The following IRX2 variants were observed in gnomAD, a reference collection of about 807,000 sequenced individuals.
IRX2 encodes iroquois-class homeodomain protein IRX-2.
In IRX2, 26 loss-of-function variants were observed where a neutral mutation model predicts 42.9. The observed-to-expected ratio is 0.61, with a 90% CI of 0.44 to 0.84. IRX2 has a LOEUF of 0.84. IRX2 is among the 40% of genes least tolerant of loss of function. The pLI, the probability that IRX2 is intolerant of heterozygous loss-of-function variation, is 0.00. For missense variants in IRX2, 782 were observed against 713.9 expected (o/e 1.10, Z -1.09); for synonymous variants, 424 against 353.9 (o/e 1.20, Z -2.22).
the IRX2 span, among the ~76,000 whole-genome samples, chr5:2,736,336 C>A: frequency 6.6e-6 from 1 of 152,148 alleles, no homozygotes; most frequent in Non-Finnish European, 1.5e-5. Flanking sequence ...CCTTCTGATG[C>A]GATTTCTGAG....
chr5:2,742,956 C>T (rs1375440297), downstream of IRX2, among the ~76,000 whole-genome samples: 1 of 152,254 alleles, frequency 6.6e-6, no homozygotes. Flanking sequence ...TCCGAAAACG[C>T]GCACGGGCTT....
chr5:2,740,382 C>A, the IRX2 span, among the ~76,000 whole-genome samples: 2 of 151,882 alleles, frequency 1.3e-5, no homozygotes, highest in Admixed American at 6.6e-5. Context: ...CCCTGACCTG[C>A]GACTGTTCGG....
chr5:2,748,782 T>C lies in IRX2; in HGVS notation c.926A>G (p.Lys309Arg). 1 of 1,408,836 alleles carries C rather than the reference T, an allele frequency of 7.1e-7. No homozygotes were observed. Among genetic ancestry groups the C allele is most frequent in the Non-Finnish European group, 9.1e-7 (1 of 1,094,734 alleles). 87.3% of individuals were successfully genotyped at this position (1,408,836 alleles called of 1,614,324 possible). A position where few individuals can be genotyped will look rare whatever the true frequency, so the allele number is the denominator to read the frequency against. The change falls in exon 3 of 4, where the codon AAG (lysine) becomes AGG (arginine). Residue 309 changes from lysine to arginine, a missense_variant. Transcript: ENST00000302057. Reference protein sequence around the residue: ...PPEAAPRGGRKTPQGSRTSPG... With the variant: ...PPEAAPRGGRRTPQGSRTSPG... ...AGACGTCCGGCTGCCCTGGGGCGTC[T>C]TGCGGCCACCGCGGGGCGCGGCCTC...
At position 2,748,814 on chromosome 5, in the gene IRX2, G is replaced by A. The variant is rs1237850242; in HGVS notation, c.894C>T (p.Pro298=). ...CACCGCGGGGCGCGGCCTCGGGCGG[G>A]GGGCTCAGCAGCGGCGCCTCCAAGC... ...LTGLEAPLLS[P]PPEAAPRGGR... Residue 298 remains proline, a synonymous_variant, in exon 3 of 4, where the codon CCC becomes CCT. Coordinates refer to ENST00000302057, the MANE Select transcript of IRX2 (RefSeq NM_033267.5). 2.0e-6 allele frequency: 3 copies of A among 1,486,252 alleles called. No individual in the cohort carries two copies. The highest frequency in any genetic ancestry group is 1.3e-5 in the South Asian group (1 of 77,696). 92.1% of individuals were successfully genotyped at this position (1,486,252 alleles called of 1,614,324 possible). A position where few individuals can be genotyped will look rare whatever the true frequency, so the allele number is the denominator to read the frequency against.
downstream of IRX2, among the ~76,000 whole-genome samples, chr5:2,744,333 A>G (rs1222473621): frequency 6.6e-6 from 1 of 152,110 alleles, no homozygotes; most frequent in African/African-American, 2.4e-5. Flanking sequence ...AAATATTGTT[A>G]ACTTTCATAC....
chr5:2,738,435 T>A, the IRX2 span, among the ~76,000 whole-genome samples: 3 of 152,356 alleles, frequency 2.0e-5, 1 homozygote, highest in South Asian at 6.2e-4. Context: ...GGACGGGCCA[T>A]GGCCTCCTAT....
chr5:2,749,725 G>A lies in IRX2; in HGVS notation c.312C>T (p.Gly104=), dbSNP rs779734556. The change falls in exon 2 of 4, where the codon GGC becomes GGT. Residue 104 remains glycine, a synonymous_variant. Coordinates refer to ENST00000302057, the MANE Select transcript of IRX2 (RefSeq NM_033267.5). The stretch of plus-strand genomic sequence containing the variant: ...TGAGCTGGTACGGGTAGGCCGCGCT[G>A]CCGTACGGGTGGTAGCTGATGGCGC... ...MTGAISYHPY[G]SAAYPYQLND... The A allele has an allele frequency of 7.4e-6, 12 of 1,613,678 alleles. No homozygotes were observed. The highest frequency in any genetic ancestry group is 9.3e-6 in the Non-Finnish European group (11 of 1,179,938).
At position 2,749,758 on chromosome 5, in the gene IRX2, G is replaced by A. The variant is rs760981161; in HGVS notation, c.279C>T (p.Gly93=). Residue 93 remains glycine, a synonymous_variant, in exon 2 of 4, where the codon GGC becomes GGT. Coordinates refer to ENST00000302057, the MANE Select transcript of IRX2 (RefSeq NM_033267.5). The part of the protein sequence containing the change: ...MGAPYDAHTT[G]MTGAISYHPY... ...GGTGGTAGCTGATGGCGCCGGTCAT[G>A]CCGGTGGTGTGCGCGTCGTAGGGTG... The A allele has an allele frequency of 1.2e-6, 2 of 1,611,082 alleles. No individual in the cohort carries two copies. The highest frequency in any genetic ancestry group is 1.3e-5 in the African/African-American group (1 of 75,014).
chr5:2,741,429 G>A (rs927600471), downstream of IRX2, among the ~76,000 whole-genome samples: 1 of 152,162 alleles, frequency 6.6e-6, no homozygotes, highest in Non-Finnish European at 1.5e-5. Context: ...GGCAAGGAGG[G>A]AATTTCTGAG....
Position 2,748,940 on chromosome 5 carries a change from G to A in IRX2, c.768C>T (p.Cys256=), listed in dbSNP as rs773469049. The A allele has an allele frequency of 1.9e-6, 3 of 1,597,100 alleles. No individual in the cohort carries two copies. The highest frequency in any genetic ancestry group is 1.3e-5 in the African/African-American group (1 of 74,928). ...CCTCCAGGTCGTCATACTTGTCCTT[G>A]CACTCCGAGCCCGATTCGCACAGGG... The part of the protein sequence containing the change: ...GDPLCESGSE[C]KDKYDDLEDD... The change falls in exon 3 of 4, where the codon TGC becomes TGT. Residue 256 remains cysteine, a synonymous_variant. Coordinates refer to ENST00000302057, the MANE Select transcript of IRX2 (RefSeq NM_033267.5).
rs1432832530 is a variant in IRX2, at chr5:2,751,261, C to G, written c.153G>C (p.Ser51=). The change falls in exon 1 of 4, where the codon TCG becomes TCC. Residue 51 remains serine, a synonymous_variant. Coordinates refer to ENST00000302057, the MANE Select transcript of IRX2 (RefSeq NM_033267.5). The surrounding 1 kb of genome is among the most constrained non-coding windows in gnomAD (Gnocchi z 4.0). ...SGSAFSPYPG[S]AAFTAQAATG... ...TGGCCGCCTGCGCCGTGAAGGCCGCCGAGCCCGGGTAGGGGCTGAACGCCG... is the reference window on the plus strand; with the variant it reads ...TGGCCGCCTGCGCCGTGAAGGCCGCGGAGCCCGGGTAGGGGCTGAACGCCG... 7 of 1,409,484 alleles carry G rather than the reference C, an allele frequency of 5.0e-6. No individual in the cohort carries two copies. The highest frequency in any genetic ancestry group is 2.7e-5 in the Admixed American group (1 of 37,264). The allele number at this position is 1,409,484 out of a possible 1,614,324, so 87.3% of individuals were successfully genotyped here. A position where few individuals can be genotyped will look rare whatever the true frequency, so the allele number is the denominator to read the frequency against.
In IRX2 at chr5:2,747,678, C is replaced by T; in HGVS notation, c.1364-62G>A. On this transcript the variant is annotated intron_variant, in intron 3 of 3. Coordinates refer to ENST00000302057, the MANE Select transcript of IRX2 (RefSeq NM_033267.5). The stretch of plus-strand genomic sequence containing the variant: ...CACAGCCTGCTGGCTGCGCAGACCA[C>T]CGTGCACCCACCATCCTCCACTCCC... 7 of 1,522,192 alleles carry T rather than the reference C, an allele frequency of 4.6e-6. No individual in the cohort carries two copies. In the South Asian group the frequency reaches 7.9e-5, roughly 17 times the overall value. The allele number at this position is 1,522,192 out of a possible 1,614,324, so 94.3% of individuals were successfully genotyped here.
downstream of IRX2, among the ~76,000 whole-genome samples, chr5:2,743,651 C>T (rs1409202746): frequency 6.6e-6 from 1 of 152,234 alleles, no homozygotes; most frequent in Non-Finnish European, 1.5e-5. Context: ...CAGTCAACAA[C>T]AGCAAACTTC....
At chr5:2,735,728 T>C in the IRX2 span, among the ~76,000 whole-genome samples, 4 of 152,202 alleles carry the variant, frequency 2.6e-5, no homozygotes. Flanking sequence ...GAGTCTGGCA[T>C]CCTGGGTGTG....
At chr5:2,743,782 C>G (rs1010877307), downstream of IRX2, among the ~76,000 whole-genome samples, 1 of 152,222 alleles carries the variant, frequency 6.6e-6, no homozygotes, top group East Asian at 1.9e-4. Context: ...CTTCCTTCCT[C>G]GTTCATCTTT....
In IRX2 at chr5:2,748,676, G is replaced by A; in HGVS notation, c.1032C>T (p.Ser344=). 1.4e-6 allele frequency: 2 copies of A among 1,393,660 alleles called. No individual in the cohort carries two copies. Among genetic ancestry groups the A allele is most frequent in the Non-Finnish European group, 1.9e-6 (2 of 1,074,342 alleles). The allele number at this position is 1,393,660 out of a possible 1,614,324, so 86.3% of individuals were successfully genotyped here. ...EIATSDLKQP[S]LGPGCGPPGL... is the part of the protein sequence containing the mutation. The stretch of plus-strand genomic sequence containing the variant: ...CCGGTGGCCCGCAGCCCGGGCCCAG[G>A]CTCGGCTGCTTGAGGTCCGACGTGG... The change falls in exon 3 of 4, where the codon AGC becomes AGT. Residue 344 remains serine (S), a synonymous_variant. Coordinates refer to ENST00000302057, the MANE Select transcript of IRX2 (RefSeq NM_033267.5).
chr5:2,751,227 C>G lies in IRX2; in HGVS notation c.187G>C (p.Gly63Arg), dbSNP rs1305193820. 5.1e-6 allele frequency: 7 copies of G among 1,368,334 alleles called. No homozygotes were observed. The highest frequency in any genetic ancestry group is 6.6e-6 in the Non-Finnish European group (7 of 1,060,868). 84.8% of individuals were successfully genotyped at this position (1,368,334 alleles called of 1,614,324 possible). The change falls in exon 1 of 4, where the codon GGG becomes CGG. Residue 63 changes from glycine to arginine, a missense_variant. This residue lies in a region of IRX2 where 256 missense variants were observed against 250.0 expected (regional missense o/e 1.02). Transcript: ENST00000302057. The surrounding 1 kb of genome is among the most constrained non-coding windows in gnomAD (Gnocchi z 4.0). Reference protein sequence around the residue: ...AFTAQAATGFGSPLQYSADAA... With the variant: ...AFTAQAATGFRSPLQYSADAA... ...TCGGCCGAGTACTGCAGCGGGCTCC[C>G]GAAGCCGGTGGCCGCCTGCGCCGTG...
In IRX2 at chr5:2,751,559, C is replaced by T. The variant is rs991886178; in HGVS notation, c.-146G>A. ...AGGCCGGCCCGGGTACTAGCCTGGG[C>T]GGCCCGCGGGCCGGGGCGGCGGCGG... On this transcript the variant is annotated 5_prime_UTR_variant, in exon 1 of 4. Transcript: ENST00000302057. This position sits in a 1 kb window ranked among gnomAD's most constrained non-coding sequence, Gnocchi z 4.0. The T allele has an allele frequency of 8.3e-4, 308 of 371,474 alleles. 1 individual carries two copies. The highest frequency in any genetic ancestry group is 6.5e-3 in the African/African-American group (282 of 43,608). 23.0% of individuals were successfully genotyped at this position (371,474 alleles called of 1,614,324 possible).
At chr5:2,744,803 C>T (rs1346343140), downstream of IRX2, among the ~76,000 whole-genome samples, 1 of 152,212 alleles carries the variant, frequency 6.6e-6, no homozygotes, top group Non-Finnish European at 1.5e-5. Flanking sequence ...TTAAAACTAA[C>T]AAAATACATA....
Sources: gnomAD v4.1 joint callset for allele counts (sites outside exome capture counted in the v4.1 genomes callset) on GRCh38, gnomAD v4.1.1 for gene constraint, gnomAD v4.1.1 regional missense constraint, Gnocchi (gnomAD v3.1) non-coding constraint, MANE v1.5 for transcripts, NCBI Gene and HGNC (gene_info 2026-07-23, HGNC 2026-07-21) for gene names.